RYR2: variants seen among roughly 807,000 people sequenced by gnomAD.
RYR2 encodes cardiac muscle ryanodine receptor-calcium release channel.
A neutral mutation model predicts 601.1 loss-of-function variants in RYR2; 227 were observed. The observed-to-expected ratio is 0.38, with a 90% CI of 0.34 to 0.42. The LOEUF (loss-of-function observed/expected upper bound fraction) is 0.42. Ranked by LOEUF, RYR2 falls within the 10% of genes least tolerant of loss-of-function variation. RYR2 has a pLI of 1.00. For synonymous variants in RYR2, 2,223 were observed against 2,175.1 expected (o/e 1.02, Z -0.61); for missense variants, 4,646 against 6,156.5 (o/e 0.75, Z 8.21).
In RYR2 at chr1:237,200,492, T is replaced by C. The variant is rs562004503; in HGVS notation, c.49-70005T>C. On this transcript the variant is annotated intron_variant, in intron 1 of 104. Transcript: ENST00000366574. ...ATTTGCCAGGCTGGTCTTGAACTCC[T>C]GGTCTCAAGTGATCTGCCCACCTTG... is the stretch of plus-strand genomic sequence containing the variant. 4.6e-5 allele frequency among the ~76,000 whole-genome samples: 7 copies of C among 152,326 alleles called. No homozygotes were observed. In the East Asian group the frequency reaches 1.2e-3, roughly 25 times the overall value.
intron 102 of RYR2, among the ~76,000 whole-genome samples, chr1:237,828,700 A>G (rs1663433490): frequency 6.6e-6 from 1 of 152,214 alleles, no homozygotes; most frequent in African/African-American, 2.4e-5. Context: ...GAGACTATTC[A>G]TTCGAAACCA....
At chr1:237,592,708 G>A (rs1162459008) in intron 32 of RYR2, among the ~76,000 whole-genome samples, 3 of 151,126 alleles carry the variant, frequency 2.0e-5, no homozygotes, top group African/African-American at 7.3e-5. Flanking sequence ...ATGCAAAAAA[G>A]GTGGGTGACG....
intron 41 of RYR2, among the ~76,000 whole-genome samples, chr1:237,628,858 A>C (rs1679958590): frequency 6.6e-6 from 1 of 152,102 alleles, no homozygotes; most frequent in Non-Finnish European, 1.5e-5. Context: ...AATGATAAGG[A>C]AGCTTGTCTT....
intron 51 of RYR2, among the ~76,000 whole-genome samples, chr1:237,652,936 A>G (rs1682909719): frequency 6.6e-6 from 1 of 152,192 alleles, no homozygotes; most frequent in Non-Finnish European, 1.5e-5. Context: ...TTTAACAGTA[A>G]GACATGCAGT....
intron 2 of RYR2, among the ~76,000 whole-genome samples, chr1:237,317,200 T>G (rs541698118): frequency 2.0e-4 from 30 of 152,306 alleles, no homozygotes; most frequent in African/African-American, 7.2e-4. Context: ...CAAAGAATGT[T>G]TTGCATTGTT....
At chr1:237,113,167 G>C (rs191466949) in intron 1 of RYR2, among the ~76,000 whole-genome samples, 110 of 151,482 alleles carry the variant, frequency 7.3e-4, no homozygotes, top group Admixed American at 6.2e-3. Flanking sequence ...GATATTGTTG[G>C]CCTCTCTTTT....
intron 1 of RYR2, among the ~76,000 whole-genome samples, chr1:237,219,495 A>C (rs1441385403): frequency 6.6e-6 from 1 of 152,110 alleles, no homozygotes; most frequent in Non-Finnish European, 1.5e-5. Flanking sequence ...ACGTCTACTT[A>C]AGTCTTATTA....
chr1:237,144,518 C>T (rs1270963833), intron 1 of RYR2, among the ~76,000 whole-genome samples: 1 of 152,150 alleles, frequency 6.6e-6, no homozygotes, highest in East Asian at 1.9e-4. Flanking sequence ...TGGAGAAAGA[C>T]ATTTCTGGGT....
At chr1:237,452,222 G>T (rs1177843703) in intron 14 of RYR2, among the ~76,000 whole-genome samples, 2 of 144,786 alleles carry the variant, frequency 1.4e-5, no homozygotes, top group Non-Finnish European at 3.0e-5. Flanking sequence ...TGTTATAATG[G>T]ATATATTATG....
chr1:237,672,156 A>C (rs1297719116), intron 58 of RYR2, among the ~76,000 whole-genome samples: 1 of 152,234 alleles, frequency 6.6e-6, no homozygotes, highest in Non-Finnish European at 1.5e-5. Flanking sequence ...GTCACCTGGC[A>C]GGCTTTCAGA....
At chr1:237,064,671 T>C (rs1351633459) in intron 1 of RYR2, among the ~76,000 whole-genome samples, 1 of 151,862 alleles carries the variant, frequency 6.6e-6, no homozygotes, top group East Asian at 1.9e-4. Flanking sequence ...TTGCCCTTCC[T>C]AGTAGGTATA....
At chr1:237,525,609 C>G (rs1393748028) in intron 24 of RYR2, among the ~76,000 whole-genome samples, 1 of 151,914 alleles carries the variant, frequency 6.6e-6, no homozygotes, top group Non-Finnish European at 1.5e-5. Flanking sequence ...CACCACCACG[C>G]CTGGCTAATT....
chr1:237,510,898 C>T (rs1157501372), intron 23 of RYR2, among the ~76,000 whole-genome samples: 2 of 152,138 alleles, frequency 1.3e-5, no homozygotes, highest in Non-Finnish European at 2.9e-5. Context: ...AATATAAAAA[C>T]CACCTGCATA....
In RYR2 at chr1:237,275,950, TATTA is replaced by T. The variant is rs1690241845; in HGVS notation, c.168+5340_168+5343del. ...TCTATCTGAAAATTAAAATGTACAC[TATTA>T]ATTAAATCTTGGGTCAAAGGCAAAA... On this transcript the variant is annotated intron_variant, in intron 2 of 104. Coordinates refer to ENST00000366574, the MANE Select transcript of RYR2 (RefSeq NM_001035.3). Among the ~76,000 whole-genome samples the T allele has an allele frequency of 2.0e-5, 3 of 152,170 alleles. No individual in the cohort carries two copies. In the South Asian group the frequency reaches 6.2e-4, roughly 32 times the overall value.
chr1:237,686,258 A>T (rs997204992), intron 62 of RYR2, among the ~76,000 whole-genome samples: 1 of 152,144 alleles, frequency 6.6e-6, no homozygotes, highest in Non-Finnish European at 1.5e-5. Flanking sequence ...TCAAGGTTAG[A>T]TTTTCTGGGG....
At chr1:237,676,421 A>G (rs960921430) in intron 60 of RYR2, among the ~76,000 whole-genome samples, 2 of 152,138 alleles carry the variant, frequency 1.3e-5, no homozygotes, top group Admixed American at 6.5e-5. Flanking sequence ...CATTCTATCC[A>G]CAGGGTAGAG....
At chr1:237,418,520 A>G (rs1011542858) in intron 11 of RYR2, among the ~76,000 whole-genome samples, 39 of 152,234 alleles carry the variant, frequency 2.6e-4, no homozygotes, top group Non-Finnish European at 4.1e-4. Context: ...TTATCAGTTT[A>G]GATGCATAGA....
At chr1:237,176,254 T>A (rs186626755) in intron 1 of RYR2, among the ~76,000 whole-genome samples, 1,778 of 80,696 alleles carry the variant, frequency 0.022, 32 homozygotes, top group Middle Eastern at 0.056. Flanking sequence ...AAAAAATATA[T>A]ATATATATAT....
chr1:237,149,527 A>C (rs1337667432), intron 1 of RYR2, among the ~76,000 whole-genome samples: 3 of 152,164 alleles, frequency 2.0e-5, no homozygotes, highest in Non-Finnish European at 4.4e-5. Context: ...AATAGGATTA[A>C]CCATAGGTAG....
Sources: allele counts gnomAD v4.1 joint callset (sites outside exome capture counted in the v4.1 genomes callset), GRCh38; gene constraint gnomAD v4.1.1; transcripts MANE v1.5; gene names NCBI Gene and HGNC (gene_info 2026-07-23, HGNC 2026-07-21).